Variants in ECPAS observed in about 807,000 individuals in gnomAD.
ECPAS encodes the protein proteasome adapter and scaffold protein ECM29.
ECPAS carries 70 observed loss-of-function variants against 255.1 expected under a neutral mutation model. The observed-to-expected ratio is 0.27, with a 90% CI of 0.23 to 0.33. The LOEUF (loss-of-function observed/expected upper bound fraction) is 0.33, where lower values mean the gene tolerates loss of function less well. Ranked by LOEUF, ECPAS falls within the 10% of genes least tolerant of loss-of-function variation. ECPAS has a pLI of 1.00. For missense variants in ECPAS, 1,817 were observed against 2,206.4 expected (o/e 0.82, Z 3.54); for synonymous variants, 784 against 775.0 (o/e 1.01, Z -0.19).
intron 13 of ECPAS, 58 bp from the exon 14 acceptor site, chr9:111,422,258 G>A (rs1258912220): frequency 6.5e-7 from 1 of 1,542,402 alleles, no homozygotes; most frequent in South Asian, 1.1e-5. Flanking sequence ...ATGAAAAAGG[G>A]AAAAAATGAA....
intron 1 of ECPAS, 164 bp downstream of exon 1, chr9:111,483,952 C>G (rs1002205209): frequency 1.0e-5 from 10 of 963,526 alleles, no homozygotes; most frequent in Non-Finnish European, 1.2e-5. Flanking sequence ...CGCGCCCGCC[C>G]GCCCTCGCTC....
intron 20 of ECPAS, among the ~76,000 whole-genome samples, chr9:111,412,667 T>C (rs2098196507): frequency 6.6e-6 from 1 of 152,198 alleles, no homozygotes; most frequent in Non-Finnish European, 1.5e-5. Context: ...CCTTTGACTA[T>C]AGCATGACAA....
At chr9:111,366,204 G>C in intron 48 of ECPAS, 35 bp downstream of exon 48, 2 of 1,324,834 alleles carry the variant, frequency 1.5e-6, no homozygotes, top group Non-Finnish European at 2.1e-6. Flanking sequence ...TTTAAAATTA[G>C]GACTCCCTCA....
At position 111,372,575 on chromosome 9, in the gene ECPAS, C is replaced by A. The variant is rs1220792845; in HGVS notation, c.4382G>T (p.Gly1461Val). 3 of 1,613,438 alleles carry A rather than the reference C, an allele frequency of 1.9e-6. No homozygotes were observed. Among genetic ancestry groups the A allele is most frequent in the Non-Finnish European group, 2.5e-6 (3 of 1,179,664 alleles). Residue 1461 changes from glycine to valine, a missense_variant, in exon 42 of 50, where the codon GGA (glycine) becomes GTA (valine). By Grantham distance (109) the Gly-to-Val change is moderately radical (BLOSUM62 -3). Around this residue, in one of 4 missense-constraint regions of ECPAS, gnomAD observed 960 missense variants for 1,179.0 expected, o/e 0.81. Coordinates refer to ENST00000684092, the MANE Select transcript of ECPAS (RefSeq NM_001364929.1). ...CTTTAATACATCAGGGCTGTATCGT[C>A]CAATAGCATGAATAGTCAAAGCACA... ...TSCALTIHAI[G>V]RYSPDVLKNH...
chr9:111,427,160 G>A (rs76067873), intron 10 of ECPAS, among the ~76,000 whole-genome samples: 79 of 139,610 alleles, frequency 5.7e-4, no homozygotes, highest in Non-Finnish European at 5.0e-4. Flanking sequence ...CCCTGTCTCA[G>A]AAAAAAAAAA....
chr9:111,412,015 T>C lies in ECPAS; in HGVS notation c.2213A>G (p.His738Arg), dbSNP rs185140005. The C allele has an allele frequency of 1.2e-3, 1,899 of 1,550,356 alleles. 5 individuals are homozygous for C. The highest frequency in any genetic ancestry group is 1.5e-3 in the Non-Finnish European group (1,732 of 1,158,424). ...AAGAATGAAAACAAAATAACATACG[T>C]GATTGTCTTTTGTAGTCTTTATAAG... ...EQLIKTTKDN[H>R]SPEIQHGSLL... is the part of the protein sequence containing the mutation. Residue 738 changes from histidine (H) to arginine (R), a missense_variant and splice_region_variant, in exon 21 of 50, where the codon CAC (histidine) becomes CGC (arginine). His to Arg is a conservative substitution (Grantham distance 29). Around this residue, in one of 4 missense-constraint regions of ECPAS, gnomAD observed 194 missense variants for 152.8 expected, o/e 1.27. Transcript: ENST00000684092.
At chr9:111,412,620 C>T (rs1479268053) in intron 20 of ECPAS, among the ~76,000 whole-genome samples, 6 of 152,088 alleles carry the variant, frequency 3.9e-5, no homozygotes, top group Non-Finnish European at 8.8e-5. Flanking sequence ...TCTTAGCTTG[C>T]AAACCATACA....
chr9:111,383,889 T>A (rs2098143738), intron 34 of ECPAS, among the ~76,000 whole-genome samples: 1 of 151,974 alleles, frequency 6.6e-6, no homozygotes, highest in South Asian at 2.1e-4. Flanking sequence ...GCCACTGCAT[T>A]CCAGCCTGGG....
Position 111,412,056 on chromosome 9 carries a change from T to A in ECPAS, c.2172A>T (p.Lys724Asn), listed in dbSNP as rs749789000. ...TCTTTATAAGCTGTTCTATCATTGATTTCAACTCATTCCCCGACACTGTTG... is the reference window on the plus strand; with the variant it reads ...TCTTTATAAGCTGTTCTATCATTGAATTCAACTCATTCCCCGACACTGTTG... ...VVSTVSGNEL[K>N]SMIEQLIKTT... The change falls in exon 21 of 50, where the codon AAA becomes AAT. Residue 724 changes from lysine to asparagine, a missense_variant. This residue lies in a region of ECPAS where 194 missense variants were observed against 152.8 expected (regional missense o/e 1.27). Transcript: ENST00000684092. The A allele has an allele frequency of 6.3e-7, 1 of 1,589,350 alleles. No homozygotes were observed. Among genetic ancestry groups the A allele is most frequent in the Non-Finnish European group, 8.5e-7 (1 of 1,173,340 alleles).
At chr9:111,469,873 G>A (rs1042275320) in intron 2 of ECPAS, among the ~76,000 whole-genome samples, 7 of 151,982 alleles carry the variant, frequency 4.6e-5, no homozygotes, top group African/African-American at 4.8e-5. Flanking sequence ...ACTCCTGTTT[G>A]TAAAGAGTTA....
At chr9:111,422,280 A>C in intron 13 of ECPAS, 80 bp from the exon 14 acceptor site, 1 of 1,432,686 alleles carries the variant, frequency 7.0e-7, no homozygotes, top group Non-Finnish European at 9.7e-7. Context: ...CTAAACACAA[A>C]TTTTCCTGAA....
chr9:111,463,883 A>G (rs2098276110), intron 2 of ECPAS, among the ~76,000 whole-genome samples: 1 of 152,188 alleles, frequency 6.6e-6, no homozygotes, highest in African/African-American at 2.4e-5. Context: ...CAGTAAAGAC[A>G]TCTCTAGCAA....
At chr9:111,441,718 C>T (rs1032812803) in intron 5 of ECPAS, among the ~76,000 whole-genome samples, 1 of 152,122 alleles carries the variant, frequency 6.6e-6, no homozygotes, top group African/African-American at 2.4e-5. Flanking sequence ...TTGTAAACTT[C>T]TTCTGTATTA....
Position 111,389,971 on chromosome 9 carries a change from G to A in ECPAS, c.3279+13C>T, listed in dbSNP as rs753627645. On this transcript the variant is annotated intron_variant, in intron 30 of 49. Transcript: ENST00000684092. ...TGAAAAAAATAAATAATTGTCCAGT[G>A]ATAGCAACTTACCTTCCTAGAGTTC... is the stretch of plus-strand genomic sequence containing the variant. 16 of 1,511,834 alleles carry A rather than the reference G, an allele frequency of 1.1e-5. No homozygotes were observed. Among genetic ancestry groups the A allele is most frequent in the Non-Finnish European group, 1.4e-5 (15 of 1,095,026 alleles). The allele number at this position is 1,511,834 out of a possible 1,614,324, so 93.7% of individuals were successfully genotyped here.
chr9:111,405,380 G>A (rs1174191067), intron 24 of ECPAS, among the ~76,000 whole-genome samples: 1 of 149,522 alleles, frequency 6.7e-6, no homozygotes, highest in Non-Finnish European at 1.5e-5. Context: ...AATGAAACTG[G>A]GCCCCTTTGT....
intron 24 of ECPAS, among the ~76,000 whole-genome samples, chr9:111,399,223 T>C (rs1211553866): frequency 6.6e-6 from 1 of 151,774 alleles, no homozygotes; most frequent in African/African-American, 2.4e-5. Context: ...CAGAATCTCA[T>C]CCCCTCCCCA....
At chr9:111,483,574 T>A in intron 1 of ECPAS, 3 of 153,048 alleles carry the variant, frequency 2.0e-5, no homozygotes, top group South Asian at 2.4e-4. Context: ...AGGGAGGGGC[T>A]GGGGGGGCAG....
intron 2 of ECPAS, among the ~76,000 whole-genome samples, chr9:111,467,004 C>A (rs1467788267): frequency 6.6e-6 from 1 of 152,134 alleles, no homozygotes; most frequent in East Asian, 1.9e-4. Context: ...CTCCTCCTAC[C>A]CGCATAAAAA....
In ECPAS at chr9:111,362,247, G is replaced by A. The variant is rs139602196; in HGVS notation, c.5381-78C>T. ...GAAAAAACCCCAAAGAATCCTTATAGAACAAGCAAGAAAAAAATTTAAAAA... is the reference window on the plus strand; with the variant it reads ...GAAAAAACCCCAAAGAATCCTTATAAAACAAGCAAGAAAAAAATTTAAAAA... On this transcript the variant is annotated intron_variant, in intron 49 of 49. Coordinates refer to ENST00000684092, the MANE Select transcript of ECPAS (RefSeq NM_001364929.1). 3.6e-4 allele frequency: 447 copies of A among 1,235,772 alleles called. 2 individuals carry two copies. The African/African-American group carries it at 6.0e-3, about 17-fold the overall frequency. The allele number at this position is 1,235,772 out of a possible 1,614,324, so 76.6% of individuals were successfully genotyped here. A position where few individuals can be genotyped will look rare whatever the true frequency, so the allele number is the denominator to read the frequency against.
Sources: allele counts gnomAD v4.1 joint callset (sites outside exome capture counted in the v4.1 genomes callset), GRCh38; gene constraint gnomAD v4.1.1; regional missense constraint gnomAD v4.1.1; transcripts MANE v1.5; gene names NCBI Gene and HGNC (gene_info 2026-07-23, HGNC 2026-07-21).